PLIN1: variants seen among roughly 807,000 people sequenced by gnomAD.
PLIN1 encodes the protein perilipin 1, also known as perilipin-1.
In PLIN1, 37 loss-of-function variants were observed where a neutral mutation model predicts 45.8. That is an observed-to-expected ratio of 0.81 (90% CI 0.62 to 1.06). PLIN1 has a LOEUF of 1.06. Ranked by LOEUF, PLIN1 falls within the 50% of genes least tolerant of loss-of-function variation. The probability of loss-of-function intolerance (pLI) is 0.00; values close to 1 mark genes in which losing one functional copy is unlikely to be tolerated. For missense variants in PLIN1, 776 were observed against 716.5 expected (o/e 1.08, Z -0.95); for synonymous variants, 340 against 309.2 (o/e 1.10, Z -1.05).
At chr15:89,677,284 C>T (rs903076443) in intron 2 of PLIN1, 161 bp downstream of exon 2, 2 of 732,366 alleles carry the variant, frequency 2.7e-6, no homozygotes, top group Non-Finnish European at 5.0e-6. Context: ...CTGCCCCCTA[C>T]AAAAGGTGGT....
At chr15:89,672,264 C>T (rs1238592867) in intron 3 of PLIN1, among the ~76,000 whole-genome samples, 1 of 152,246 alleles carries the variant, frequency 6.6e-6, no homozygotes, top group Non-Finnish European at 1.5e-5. Flanking sequence ...AAGGGGATCC[C>T]GCCTGGATTG....
chr15:89,669,734 G>A, intron 5 of PLIN1, 62 bp from the exon 6 acceptor site: 1 of 1,501,776 alleles, frequency 6.7e-7, no homozygotes, highest in Non-Finnish European at 9.1e-7. Flanking sequence ...GAGAGATCTG[G>A]GTCATGTCTA....
In PLIN1 at chr15:89,673,277, G is replaced by A. The variant is rs540906377; in HGVS notation, c.183C>T (p.Gly61=). The change falls in exon 3 of 9, where the codon GGC becomes GGT. Residue 61 remains glycine, a synonymous_variant. Coordinates refer to ENST00000300055, the MANE Select transcript of PLIN1 (RefSeq NM_002666.5). ...CAGCCAAGCTACTGGCGCTCTGCAC[G>A]CCCTTCTCATAGGCATTGCACACAG... ...VASVCNAYEK[G]VQSASSLAAW... 13 of 1,582,010 alleles carry A rather than the reference G, an allele frequency of 8.2e-6. No homozygotes were observed. The highest frequency in any genetic ancestry group is 2.7e-5 in the African/African-American group (2 of 74,298).
chr15:89,667,048 T>C lies in PLIN1; in HGVS notation c.1097A>G (p.His366Arg). The C allele has an allele frequency of 6.2e-7, 1 of 1,613,994 alleles. No homozygotes were observed. The highest frequency in any genetic ancestry group is 8.5e-7 in the Non-Finnish European group (1 of 1,179,980). Residue 366 changes from histidine (H) to arginine (R), a missense_variant, in exon 8 of 9, where the codon CAC becomes CGC. Transcript: ENST00000300055. ...AVLGMAGRVL[H>R]LTPAPAVSST... Reference sequence around the variant, plus strand: ...GGAGACAGCAGGGGCTGGTGTGAGGTGCAGCACCCTCCCTGCCATGCCCAG... The same window carrying C: ...GGAGACAGCAGGGGCTGGTGTGAGGCGCAGCACCCTCCCTGCCATGCCCAG...
chr15:89,667,230 C>T (rs1437568364), intron 7 of PLIN1, 49 bp from the exon 8 acceptor site: 3 of 1,607,598 alleles, frequency 1.9e-6, no homozygotes, highest in African/African-American at 1.3e-5. Context: ...TCCCCTGACC[C>T]TTCCCTCCCC....
chr15:89,665,999 GACCCACC>G, intron 8 of PLIN1, 57 bp from the exon 9 acceptor site: 2 of 1,291,334 alleles, frequency 1.5e-6, no homozygotes, highest in Non-Finnish European at 2.0e-6. Context: ...CTGCGCCTCT[GACCCACC>G]GCCCCTTCCC....
intron 2 of PLIN1, among the ~76,000 whole-genome samples, chr15:89,676,061 A>AC (rs386364653): frequency 6.6e-6 from 1 of 150,704 alleles, no homozygotes; most frequent in Non-Finnish European, 1.5e-5. Context: ...AGAAAAAAAA[A>AC]CCCAGGTCAG....
chr15:89,665,418 A>T lies in PLIN1; in HGVS notation c.*165T>A, dbSNP rs377179689. ...CCAAAAGGATGCTAAAAAAAAAATA[A>T]AAATAAAATAAAAATAAAAAGTGCG... On this transcript the variant is annotated 3_prime_UTR_variant, in exon 9 of 9. Coordinates refer to ENST00000300055, the MANE Select transcript of PLIN1 (RefSeq NM_002666.5). 2 of 500,246 alleles carry T rather than the reference A, an allele frequency of 4.0e-6. No homozygotes were observed. Among genetic ancestry groups the T allele is most frequent in the African/African-American group, 4.0e-5 (2 of 50,110 alleles). The allele number at this position is 500,246 out of a possible 1,614,324, so 31.0% of individuals were successfully genotyped here.
At chr15:89,673,620 C>T (rs1018621802) in intron 2 of PLIN1, among the ~76,000 whole-genome samples, 1 of 152,194 alleles carries the variant, frequency 6.6e-6, no homozygotes, top group Non-Finnish European at 1.5e-5. Flanking sequence ...CGGCCATGTC[C>T]TCCTGGTCAC....
At chr15:89,675,377 C>T (rs1161671526) in intron 2 of PLIN1, among the ~76,000 whole-genome samples, 6 of 123,156 alleles carry the variant, frequency 4.9e-5, no homozygotes, top group Non-Finnish European at 8.0e-5. Flanking sequence ...GAGGCTGAGG[C>T]GGGAGGATCA....
chr15:89,667,499 G>A lies in PLIN1; in HGVS notation c.963+103C>T, dbSNP rs142370991. ...GTGAAGGGTGTTGCACGCACATGCC[G>A]TGCCCCTGCATCTGGGGCAGAGGCC... is the stretch of plus-strand genomic sequence containing the variant. On this transcript the variant is annotated intron_variant, in intron 7 of 8. Transcript: ENST00000300055. 301 of 1,538,878 alleles carry A rather than the reference G, an allele frequency of 2.0e-4. 3 individuals are homozygous for A. The South Asian group carries it at 2.0e-3, about 10-fold the overall frequency.
At chr15:89,676,196 C>T (rs1964512453) in intron 2 of PLIN1, among the ~76,000 whole-genome samples, 1 of 152,096 alleles carries the variant, frequency 6.6e-6, no homozygotes, top group Non-Finnish European at 1.5e-5. Context: ...TCAATGACAC[C>T]TACATGTACA....
chr15:89,677,717 A>G (rs1041200517), intron 1 of PLIN1: 14 of 588,524 alleles, frequency 2.4e-5, no homozygotes, highest in Middle Eastern at 8.7e-4. Flanking sequence ...CTTACTTGTC[A>G]AGACTGATGT....
chr15:89,670,253 A>C lies in PLIN1; in HGVS notation c.334-9T>G. 1 of 1,608,660 alleles carries C rather than the reference A, an allele frequency of 6.2e-7. No homozygotes were observed. Among genetic ancestry groups the C allele is most frequent in the East Asian group, 2.2e-5 (1 of 44,742 alleles). ...TTCAGCTCAGAAGCAATCTGGGGGA[A>C]GTTGGTGGGGGTGTTAGGCATGTGG... is the stretch of plus-strand genomic sequence containing the variant. On this transcript the variant is annotated splice_polypyrimidine_tract_variant and intron_variant, in intron 4 of 8. Transcript: ENST00000300055.
intron 6 of PLIN1, among the ~76,000 whole-genome samples, chr15:89,668,396 G>A (rs186860825): frequency 7.9e-5 from 12 of 152,158 alleles, no homozygotes; most frequent in African/African-American, 2.9e-4. Flanking sequence ...CACTTGTCTT[G>A]GGAGACTTAA....
At position 89,665,515 on chromosome 15, in the gene PLIN1, G is replaced by T; in HGVS notation, c.*68C>A. 2.7e-6 allele frequency: 4 copies of T among 1,471,068 alleles called. No individual in the cohort carries two copies. The highest frequency in any genetic ancestry group is 3.6e-6 in the Non-Finnish European group (4 of 1,098,960). The allele number at this position is 1,471,068 out of a possible 1,614,324, so 91.1% of individuals were successfully genotyped here. On this transcript the variant is annotated 3_prime_UTR_variant, in exon 9 of 9. Transcript: ENST00000300055. ...TTTGAAAGTGGCAACGCTCGCCTGGGCAGTGCGGGTTCTGTTTATTTGTTA... is the reference window on the plus strand; with the variant it reads ...TTTGAAAGTGGCAACGCTCGCCTGGTCAGTGCGGGTTCTGTTTATTTGTTA...
Position 89,665,656 on chromosome 15 carries a change from C to A in PLIN1, c.1496G>T (p.Ser499Ile), listed in dbSNP as rs1430276870. 2 of 1,500,186 alleles carry A rather than the reference C, an allele frequency of 1.3e-6. No homozygotes were observed. The highest frequency in any genetic ancestry group is 2.1e-5 in the Admixed American group (1 of 47,604). 92.9% of individuals were successfully genotyped at this position (1,500,186 alleles called of 1,614,324 possible). ...REKPKRRVSD[S>I]FFRPSVMEPI... ...CTCCATGACGCTGGGCCGGAAGAAG[C>A]TGTCGCTGACCCTGCGCTTTGGCTT... is the stretch of plus-strand genomic sequence containing the variant. Residue 499 changes from serine (S) to isoleucine (I), a missense_variant, in exon 9 of 9, where the codon AGC becomes ATC. Transcript: ENST00000300055.
In PLIN1 at chr15:89,669,615, A is replaced by G; in HGVS notation, c.656T>C (p.Leu219Ser). Reference sequence around the variant, plus strand: ...GTTGGTCAGAGCCCCAACCCTGCTCAAGAGGCTTGGCTTGGCCTTGGGAGA... The same window carrying G: ...GTTGGTCAGAGCCCCAACCCTGCTCGAGAGGCTTGGCTTGGCCTTGGGAGA... ...QKSPKAKPSL[L>S]SRVGALTNTL... The change falls in exon 6 of 9, where the codon TTG becomes TCG. Residue 219 changes from leucine (L) to serine (S), a missense_variant. Transcript: ENST00000300055. The G allele has an allele frequency of 2.5e-6, 4 of 1,614,080 alleles. No homozygotes were observed. The highest frequency in any genetic ancestry group is 1.3e-5 in the African/African-American group (1 of 75,028).
At chr15:89,677,586 A>C in intron 1 of PLIN1, 83 bp from the exon 2 acceptor site, 1 of 1,164,102 alleles carries the variant, frequency 8.6e-7, no homozygotes, top group Admixed American at 1.7e-5. Context: ...CATGGCCACC[A>C]ACTAGGCCCA....
Sources: allele counts gnomAD v4.1 joint callset (sites outside exome capture counted in the v4.1 genomes callset), GRCh38; gene constraint gnomAD v4.1.1; transcripts MANE v1.5; gene names NCBI Gene and HGNC (gene_info 2026-07-23, HGNC 2026-07-21).